Variants in ARHGAP28 observed in about 807,000 individuals in gnomAD.
ARHGAP28 encodes Rho GTPase activating protein 28, also known as rho GTPase-activating protein 28.
ARHGAP28 carries 56 observed loss-of-function variants against 90.7 expected under a neutral mutation model. The observed-to-expected ratio is 0.62, with a 90% CI of 0.50 to 0.77. The LOEUF is 0.77. ARHGAP28 is among the 30% of genes least tolerant of loss of function. The probability of loss-of-function intolerance (pLI) is 0.00; values close to 1 mark genes in which losing one functional copy is unlikely to be tolerated. For synonymous variants in ARHGAP28, 308 were observed against 323.3 expected (o/e 0.95, Z 0.51); for missense variants, 869 against 900.9 (o/e 0.96, Z 0.45).
chr18:6,793,944 A>G (rs926888308), intron 1 of ARHGAP28, among the ~76,000 whole-genome samples: 2 of 152,228 alleles, frequency 1.3e-5, no homozygotes, highest in East Asian at 3.8e-4. Flanking sequence ...TGTAAATTCT[A>G]TATGTTAATA....
chr18:6,763,325 C>T (rs970030345), intron 1 of ARHGAP28, among the ~76,000 whole-genome samples: 7 of 152,076 alleles, frequency 4.6e-5, no homozygotes, highest in African/African-American at 1.7e-4. Context: ...TCAAGTGATC[C>T]TCCCACCTCA....
intron 16 of ARHGAP28, among the ~76,000 whole-genome samples, chr18:6,905,459 C>T (rs547625117): frequency 4.9e-4 from 75 of 152,048 alleles, no homozygotes; most frequent in African/African-American, 1.7e-3. Context: ...TCCTTAACAA[C>T]GAAGGATTGA....
chr18:6,823,451 A>G (rs1391181136), intron 1 of ARHGAP28, among the ~76,000 whole-genome samples: 1 of 152,064 alleles, frequency 6.6e-6, no homozygotes, highest in Non-Finnish European at 1.5e-5. Flanking sequence ...GGTTGCTTCT[A>G]ACTTTTGGCT....
intron 3 of ARHGAP28, among the ~76,000 whole-genome samples, chr18:6,839,241 G>T (rs1170339399): frequency 6.6e-6 from 1 of 151,686 alleles, no homozygotes; most frequent in East Asian, 1.9e-4. Flanking sequence ...TTCTACTTGA[G>T]AAGCAGTACT....
chr18:6,884,516 A>G (rs927841961), intron 11 of ARHGAP28, among the ~76,000 whole-genome samples: 4 of 152,196 alleles, frequency 2.6e-5, no homozygotes, highest in Non-Finnish European at 2.9e-5. Flanking sequence ...AACATTATGA[A>G]TATAGTCTTT....
chr18:6,868,345 C>T lies in ARHGAP28; in HGVS notation c.811+111C>T, dbSNP rs543198615. The stretch of plus-strand genomic sequence containing the variant: ...AAGCGAAGTATAAGTGTGCTTTTCT[C>T]CCTGTTGTGATTCTGTCACTTCCAT... On this transcript the variant is annotated intron_variant, in intron 6 of 17. Coordinates refer to ENST00000383472, the MANE Select transcript of ARHGAP28 (RefSeq NM_001366230.1). The T allele has an allele frequency of 6.9e-5, 62 of 897,378 alleles. No individual in the cohort carries two copies. The South Asian group carries it at 1.1e-3, about 16-fold the overall frequency. The allele number at this position is 897,378 out of a possible 1,614,324, so 55.6% of individuals were successfully genotyped here.
intron 16 of ARHGAP28, among the ~76,000 whole-genome samples, chr18:6,900,897 T>C (rs2057334863): frequency 7.0e-6 from 1 of 143,280 alleles, no homozygotes; most frequent in Non-Finnish European, 1.6e-5. Flanking sequence ...ACAAAAATCT[T>C]TGAAATATCC....
At chr18:6,797,764 T>C (rs1340323338) in intron 1 of ARHGAP28, among the ~76,000 whole-genome samples, 1 of 151,406 alleles carries the variant, frequency 6.6e-6, no homozygotes, top group Non-Finnish European at 1.5e-5. Flanking sequence ...CGGGTTCAAG[T>C]GATTCTCCTG....
intron 11 of ARHGAP28, chr18:6,882,502 A>T: frequency 2.3e-6 from 1 of 426,792 alleles, no homozygotes; most frequent in Non-Finnish European, 4.0e-6. Context: ...TATAATCATT[A>T]AAAGGCAGAG....
At chr18:6,772,806 C>T (rs900805070) in intron 1 of ARHGAP28, among the ~76,000 whole-genome samples, 3 of 151,994 alleles carry the variant, frequency 2.0e-5, no homozygotes, top group African/African-American at 7.3e-5. Context: ...ACGGTCTCGG[C>T]TCACTGCAAC....
chr18:6,895,529 A>T (rs1458837292), intron 15 of ARHGAP28, among the ~76,000 whole-genome samples: 4 of 152,200 alleles, frequency 2.6e-5, no homozygotes, highest in South Asian at 2.1e-4. Context: ...GCTGTGAGAG[A>T]AGCACCTGCT....
chr18:6,881,586 G>A (rs2057178458), intron 10 of ARHGAP28, among the ~76,000 whole-genome samples: 2 of 152,192 alleles, frequency 1.3e-5, no homozygotes, highest in African/African-American at 2.4e-5. Context: ...ACATGTGGAA[G>A]GCATGTGTCT....
chr18:6,810,383 G>T (rs1812267976), intron 1 of ARHGAP28, among the ~76,000 whole-genome samples: 1 of 152,250 alleles, frequency 6.6e-6, no homozygotes, highest in African/African-American at 2.4e-5. Flanking sequence ...CAGTCTGTAG[G>T]ATGTATGGTT....
chr18:6,772,708 A>G (rs181263820), intron 1 of ARHGAP28, among the ~76,000 whole-genome samples: 2 of 151,992 alleles, frequency 1.3e-5, no homozygotes, highest in Middle Eastern at 3.4e-3. Context: ...CAGTATTTTC[A>G]ATTTGTGATG....
intron 4 of ARHGAP28, among the ~76,000 whole-genome samples, chr18:6,857,808 A>G (rs971330578): frequency 3.3e-5 from 5 of 152,258 alleles, no homozygotes; most frequent in Non-Finnish European, 4.4e-5. Context: ...CTGCAGAGGC[A>G]TAGAGCTGGA....
chr18:6,909,269 TC>T (rs1311174458), intron 17 of ARHGAP28, among the ~76,000 whole-genome samples: 1 of 123,224 alleles, frequency 8.1e-6, no homozygotes, highest in Non-Finnish European at 1.7e-5. Flanking sequence ...TCTTTTCTTT[TC>T]TTTGCTTTTC....
chr18:6,788,320 C>T (rs1194504015), intron 1 of ARHGAP28, among the ~76,000 whole-genome samples: 1 of 152,124 alleles, frequency 6.6e-6, no homozygotes, highest in Non-Finnish European at 1.5e-5. Context: ...TTCCTGAGGC[C>T]TCCCCAGAAG....
chr18:6,870,841 C>T (rs1299857191), intron 7 of ARHGAP28, 109 bp downstream of exon 7: 16 of 1,240,516 alleles, frequency 1.3e-5, no homozygotes, highest in East Asian at 2.6e-5. Context: ...GCTCTATTGC[C>T]CCAGGCTGGA....
intron 1 of ARHGAP28, among the ~76,000 whole-genome samples, chr18:6,786,658 G>A (rs1247762102): frequency 6.6e-6 from 1 of 152,026 alleles, no homozygotes; most frequent in Non-Finnish European, 1.5e-5. Flanking sequence ...ATATAAGATT[G>A]TACCATTTAA....
Sources: gnomAD v4.1 joint callset for allele counts (sites outside exome capture counted in the v4.1 genomes callset) on GRCh38, gnomAD v4.1.1 for gene constraint, MANE v1.5 for transcripts, NCBI Gene and HGNC (gene_info 2026-07-23, HGNC 2026-07-21) for gene names.